The following WWOX variants were observed in gnomAD, a reference collection of about 807,000 sequenced individuals.
WWOX encodes WW domain containing oxidoreductase, also known as WW domain-containing oxidoreductase.
A neutral mutation model predicts 46.2 loss-of-function variants in WWOX; 69 were observed. The observed-to-expected ratio is 1.49, with a 90% CI of 1.23 to 1.82. WWOX has a LOEUF of 1.82. WWOX is among the 40% of genes most tolerant of loss of function. The probability of loss-of-function intolerance (pLI) is 0.00; values close to 1 mark genes in which losing one functional copy is unlikely to be tolerated. For synonymous variants in WWOX, 359 were observed against 202.6 expected (o/e 1.77, Z -6.56); for missense variants, 919 against 542.6 (o/e 1.69, Z -6.89).
At chr16:79,070,745 A>G (rs750667617) in intron 8 of WWOX, among the ~76,000 whole-genome samples, 1 of 152,210 alleles carries the variant, frequency 6.6e-6, no homozygotes, top group African/African-American at 2.4e-5. Context: ...CAAATGAATC[A>G]ATGGAAAGGC....
intron 8 of WWOX, among the ~76,000 whole-genome samples, chr16:79,022,594 C>A: frequency 6.6e-6 from 1 of 152,104 alleles, no homozygotes; most frequent in East Asian, 1.9e-4. Flanking sequence ...AGGGAACATA[C>A]TTTTAGGATG....
intron 8 of WWOX, among the ~76,000 whole-genome samples, chr16:78,596,791 T>C (rs756231956): frequency 1.5e-5 from 2 of 135,062 alleles, no homozygotes; most frequent in African/African-American, 2.8e-5. Context: ...TAAAATGATA[T>C]AAATCAGCAC....
At chr16:78,298,424 A>T (rs2079978126) in intron 5 of WWOX, among the ~76,000 whole-genome samples, 1 of 152,060 alleles carries the variant, frequency 6.6e-6, no homozygotes, top group Non-Finnish European at 1.5e-5. Flanking sequence ...TCTGCCCCTC[A>T]ATGCCTGTGT....
chr16:78,497,339 A>G (rs965077114), intron 8 of WWOX, among the ~76,000 whole-genome samples: 3 of 152,238 alleles, frequency 2.0e-5, no homozygotes, highest in Non-Finnish European at 4.4e-5. Context: ...GGAGACTTAA[A>G]CATAAGATCT....
Position 79,180,544 on chromosome 16 carries a change from G to A in WWOX, c.1057-31064G>A, listed in dbSNP as rs2050889923. 2.0e-5 allele frequency among the ~76,000 whole-genome samples: 3 copies of A among 152,320 alleles called. No homozygotes were observed. In the South Asian group the frequency reaches 6.2e-4, roughly 32 times the overall value. On this transcript the variant is annotated intron_variant, in intron 8 of 8. Coordinates refer to ENST00000566780, the MANE Select transcript of WWOX (RefSeq NM_016373.4). ...CCTCAAATGTGGGAAGGAGATAGGG[G>A]CAGGAGGAATTGGGGAAATAGGAAC...
At chr16:78,858,038 A>G (rs184145923) in intron 8 of WWOX, among the ~76,000 whole-genome samples, 107 of 152,326 alleles carry the variant, frequency 7.0e-4, no homozygotes, top group Admixed American at 1.2e-3. Flanking sequence ...ATATTAATAA[A>G]GAGGTATTTG....
chr16:78,106,428 T>TG (rs1555534576), intron 1 of WWOX, among the ~76,000 whole-genome samples: 1,850 of 148,208 alleles, frequency 0.012, 50 homozygotes, highest in African/African-American at 0.044. Context: ...TTTGTTTTTT[T>TG]TTTTTTTTTT....
chr16:78,485,113 G>A (rs760080944), intron 8 of WWOX, among the ~76,000 whole-genome samples: 1 of 151,782 alleles, frequency 6.6e-6, no homozygotes, highest in Non-Finnish European at 1.5e-5. Context: ...CAGTTCATCT[G>A]ACTACAGGGT....
At chr16:78,830,602 G>C (rs2051792984) in intron 8 of WWOX, among the ~76,000 whole-genome samples, 1 of 151,916 alleles carries the variant, frequency 6.6e-6, no homozygotes, top group African/African-American at 2.4e-5. Flanking sequence ...ACTAAATTAA[G>C]CCTTCAGACA....
intron 5 of WWOX, among the ~76,000 whole-genome samples, chr16:78,369,805 A>G (rs951689035): frequency 6.6e-6 from 1 of 152,100 alleles, no homozygotes; most frequent in Non-Finnish European, 1.5e-5. Context: ...ATGGCCTATC[A>G]TATAGGAATG....
At chr16:78,891,096 G>C (rs1164826832) in intron 8 of WWOX, 2 of 152,132 alleles carry the variant, frequency 1.3e-5, no homozygotes, top group African/African-American at 4.8e-5. Context: ...AATGAATAAA[G>C]TGAAATTCAG....
chr16:79,165,837 G>C (rs1268694430), intron 8 of WWOX, among the ~76,000 whole-genome samples: 1 of 152,088 alleles, frequency 6.6e-6, no homozygotes, highest in East Asian at 1.9e-4. Context: ...CTCGGTCGCC[G>C]AACCGGGAAC....
At chr16:78,960,007 A>C (rs1228482571) in intron 8 of WWOX, among the ~76,000 whole-genome samples, 1 of 152,168 alleles carries the variant, frequency 6.6e-6, no homozygotes, top group African/African-American at 2.4e-5. Context: ...AGGAAATACC[A>C]ATGACATTTG....
At chr16:78,229,975 G>C (rs2037199225) in intron 5 of WWOX, among the ~76,000 whole-genome samples, 1 of 152,004 alleles carries the variant, frequency 6.6e-6, no homozygotes, top group Non-Finnish European at 1.5e-5. Context: ...GACCTCTGGG[G>C]CTCAAGCGAT....
intron 8 of WWOX, among the ~76,000 whole-genome samples, chr16:78,919,600 C>G (rs760185972): frequency 6.6e-6 from 1 of 151,122 alleles, no homozygotes; most frequent in Non-Finnish European, 1.5e-5. Flanking sequence ...TCACTACAAC[C>G]TCCGCCTCCC....
chr16:78,826,321 G>A (rs890118871), intron 8 of WWOX, among the ~76,000 whole-genome samples: 7 of 152,176 alleles, frequency 4.6e-5, no homozygotes, highest in Non-Finnish European at 1.0e-4. Flanking sequence ...ACTCCAGCCT[G>A]GGCAAAAAGA....
At chr16:78,701,488 C>G (rs1348883479) in intron 8 of WWOX, among the ~76,000 whole-genome samples, 1 of 152,130 alleles carries the variant, frequency 6.6e-6, no homozygotes, top group Non-Finnish European at 1.5e-5. Flanking sequence ...GCCTTCCTCC[C>G]TTACCTCTCT....
chr16:79,163,188 A>C (rs1567591382), intron 8 of WWOX, among the ~76,000 whole-genome samples: 1 of 152,130 alleles, frequency 6.6e-6, no homozygotes, highest in African/African-American at 2.4e-5. Flanking sequence ...ATACAAACCT[A>C]GGAGGGAGAG....
chr16:78,240,507 C>G (rs1365761058), intron 5 of WWOX, among the ~76,000 whole-genome samples: 1 of 152,098 alleles, frequency 6.6e-6, no homozygotes, highest in Non-Finnish European at 1.5e-5. Context: ...CTGCCAACAC[C>G]TTGGTTTCAG....
Sources: allele counts gnomAD v4.1 joint callset (sites outside exome capture counted in the v4.1 genomes callset), GRCh38; gene constraint gnomAD v4.1.1; transcripts MANE v1.5; gene names NCBI Gene and HGNC (gene_info 2026-07-23, HGNC 2026-07-21).